Variants in AGL observed in about 807,000 individuals in gnomAD.
AGL encodes glycogen debranching enzyme.
AGL carries 128 observed loss-of-function variants against 199.3 expected under a neutral mutation model. The observed-to-expected ratio is 0.64, with a 90% CI of 0.56 to 0.74. The LOEUF (loss-of-function observed/expected upper bound fraction) is 0.74, where lower values mean the gene tolerates loss of function less well. Among genes scored for constraint, AGL ranks in the 30% least tolerant of loss-of-function variants. The pLI is 0.00. For missense variants in AGL, 1,809 were observed against 1,820.8 expected (o/e 0.99, Z 0.12); for synonymous variants, 584 against 594.7 (o/e 0.98, Z 0.26).
intron 13 of AGL, 152 bp downstream of exon 13, chr1:99,880,198 A>G: frequency 1.6e-6 from 2 of 1,261,136 alleles, no homozygotes; most frequent in East Asian, 2.5e-5. Flanking sequence ...AATATAACTC[A>G]GTCTATTTTT....
At chr1:99,884,547 A>G in intron 19 of AGL, 22 bp from the exon 20 acceptor site, 1 of 1,613,410 alleles carries the variant, frequency 6.2e-7, no homozygotes, top group Non-Finnish European at 8.5e-7. Flanking sequence ...AAAATTAACC[A>G]CTTTTTAATT....
chr1:99,875,148 C>T lies in AGL; in HGVS notation c.1083-6C>T, dbSNP rs761394139. On this transcript the variant is annotated splice_region_variant and splice_polypyrimidine_tract_variant and intron_variant, in intron 8 of 33. Coordinates refer to ENST00000361915, the MANE Select transcript of AGL (RefSeq NM_000642.3). ...TATTATATCTGCATTTCTCCATCTG[C>T]TCTAGCAAGGGGCCAGCAGCAATTG... The T allele has an allele frequency of 1.6e-5, 25 of 1,611,860 alleles. 1 individual carries two copies. The South Asian group carries it at 2.5e-4, about 16-fold the overall frequency.
At position 99,875,247 on chromosome 1, in the gene AGL, T is replaced by A. The variant is rs1183612225; in HGVS notation, c.1176T>A (p.His392Gln). The A allele has an allele frequency of 5.6e-6, 9 of 1,613,878 alleles. No homozygotes were observed. In the Admixed American group the frequency reaches 1.5e-4, roughly 27 times the overall value. Residue 392 changes from histidine to glutamine, a missense_variant, in exon 9 of 34, where the codon CAT becomes CAA. Coordinates refer to ENST00000361915, the MANE Select transcript of AGL (RefSeq NM_000642.3). ...NSEKHRLINYHQEQAVNCLLG... is the reference protein window; with the variant it reads ...NSEKHRLINYQQEQAVNCLLG... ...AGAAGCATCGACTCATTAACTATCA[T>A]CAGGAACAGGTTTTACTTATTTTTG...
chr1:99,896,281 G>A lies in AGL; in HGVS notation c.3260-5G>A, dbSNP rs746869422. The A allele has an allele frequency of 6.2e-7, 1 of 1,608,348 alleles. No individual in the cohort carries two copies. Among genetic ancestry groups the A allele is most frequent in the South Asian group, 1.1e-5 (1 of 90,932 alleles). On this transcript the variant is annotated splice_region_variant and splice_polypyrimidine_tract_variant and intron_variant, in intron 24 of 33. Coordinates refer to ENST00000361915, the MANE Select transcript of AGL (RefSeq NM_000642.3). ...CATATTACTTTGTTGTGTTTTTTTT[G>A]TTAGGCTTACCTCATTTTTCTTCTG...
intron 25 of AGL, among the ~76,000 whole-genome samples, chr1:99,897,125 A>AT (rs1458911800): frequency 2.0e-5 from 3 of 151,876 alleles, no homozygotes; most frequent in East Asian, 1.9e-4. Context: ...GTAAAATGGT[A>AT]TTTTTTTTAA....
At chr1:99,901,042 C>T (rs1264791571) in intron 26 of AGL, among the ~76,000 whole-genome samples, 181 bp downstream of exon 26, 1 of 151,926 alleles carries the variant, frequency 6.6e-6, no homozygotes, top group Non-Finnish European at 1.5e-5. Flanking sequence ...AAGAACTTTG[C>T]AACATGGTAG....
rs1654137838 is a variant in AGL at position 99,904,896 on chromosome 1, T to A, written c.3700+2102T>A. On this transcript the variant is annotated intron_variant, in intron 27 of 33. Coordinates refer to ENST00000361915, the MANE Select transcript of AGL (RefSeq NM_000642.3). ...CATCCATTGAAGGACATTTGGGTTG[T>A]TTTCATGTTTTGGCTAATACGAGTA... 4.6e-5 allele frequency among the ~76,000 whole-genome samples: 7 copies of A among 152,216 alleles called. No individual in the cohort carries two copies. In the South Asian group the frequency reaches 1.2e-3, roughly 27 times the overall value.
chr1:99,888,257 T>C, intron 21 of AGL, 149 bp downstream of exon 21: 2 of 923,328 alleles, frequency 2.2e-6, no homozygotes, highest in East Asian at 5.4e-5. Flanking sequence ...CTTTGGCAAG[T>C]AATATAACCT....
In AGL at chr1:99,921,672, T is replaced by C. The variant is rs772358669; in HGVS notation, c.*21T>C. 6.6e-7 allele frequency: 1 copy of C among 1,515,270 alleles called. No homozygotes were observed. The highest frequency in any genetic ancestry group is 9.2e-7 in the Non-Finnish European group (1 of 1,091,256). 93.9% of individuals were successfully genotyped at this position (1,515,270 alleles called of 1,614,324 possible). A position where few individuals can be genotyped will look rare whatever the true frequency, so the allele number is the denominator to read the frequency against. On this transcript the variant is annotated 3_prime_UTR_variant, in exon 34 of 34. Coordinates refer to ENST00000361915, the MANE Select transcript of AGL (RefSeq NM_000642.3). ...TATAGTTTATTACAGATATTAAGTATGCAATTACTTGTATTATAGGATGCA... is the reference window on the plus strand; with the variant it reads ...TATAGTTTATTACAGATATTAAGTACGCAATTACTTGTATTATAGGATGCA...
chr1:99,896,896 C>T (rs1026485385), intron 25 of AGL, among the ~76,000 whole-genome samples: 11 of 152,226 alleles, frequency 7.2e-5, no homozygotes, highest in South Asian at 2.1e-4. Context: ...CTGCAACCTC[C>T]GACTCCGCCT....
chr1:99,920,351 T>A (rs1313746612), intron 33 of AGL, among the ~76,000 whole-genome samples: 2 of 152,204 alleles, frequency 1.3e-5, no homozygotes, highest in African/African-American at 4.8e-5. Context: ...CTGTGGCTTG[T>A]GGCAGCAAAA....
intron 2 of AGL, among the ~76,000 whole-genome samples, chr1:99,854,332 G>A (rs566939306): frequency 6.6e-6 from 1 of 152,338 alleles, no homozygotes; most frequent in East Asian, 1.9e-4. Flanking sequence ...TTTGAAGAGG[G>A]AAATTGAAGG....
At chr1:99,902,132 A>G (rs544037077) in intron 26 of AGL, among the ~76,000 whole-genome samples, 1 of 152,266 alleles carries the variant, frequency 6.6e-6, no homozygotes, top group East Asian at 1.9e-4. Flanking sequence ...TCTTTACCTT[A>G]TTTTTAAAAA....
chr1:99,877,623 A>G lies in AGL; in HGVS notation c.1424-18A>G. The stretch of plus-strand genomic sequence containing the variant: ...TTTTATTTCTTGAACCATTGAAAGC[A>G]ATCTCTTTTCTGAACAGGTTCAGAA... On this transcript the variant is annotated intron_variant, in intron 11 of 33. Transcript: ENST00000361915. The G allele has an allele frequency of 1.2e-6, 2 of 1,612,574 alleles. No individual in the cohort carries two copies. Among genetic ancestry groups the G allele is most frequent in the Non-Finnish European group, 1.7e-6 (2 of 1,178,742 alleles).
Position 99,879,891 on chromosome 1 carries a change from A to G in AGL, c.1612-32A>G, listed in dbSNP as rs200552505. ...TTGCTTTTCTCTTTCTGTTACATTT[A>G]TTTGTTACATTTGTCACTGTGCTTT... On this transcript the variant is annotated intron_variant, in intron 12 of 33. Coordinates refer to ENST00000361915, the MANE Select transcript of AGL (RefSeq NM_000642.3). 6.8e-5 allele frequency: 106 copies of G among 1,556,354 alleles called. 1 individual carries two copies. The African/African-American group carries it at 1.1e-3, about 17-fold the overall frequency.
At chr1:99,863,611 G>A (rs576806948) in intron 4 of AGL, among the ~76,000 whole-genome samples, 10 of 151,834 alleles carry the variant, frequency 6.6e-5, no homozygotes, top group Non-Finnish European at 1.3e-4. Flanking sequence ...CTGCCACCAC[G>A]CCTGGCTAAT....
At chr1:99,909,357 G>A (rs1392339131) in intron 27 of AGL, among the ~76,000 whole-genome samples, 2 of 152,064 alleles carry the variant, frequency 1.3e-5, no homozygotes, top group South Asian at 2.1e-4. Context: ...CAGGTACCAC[G>A]CTGCTGAGGA....
intron 24 of AGL, 36 bp downstream of exon 24, chr1:99,892,643 CGAT>C (rs915852260): frequency 6.3e-7 from 1 of 1,591,740 alleles, no homozygotes; most frequent in Non-Finnish European, 8.6e-7. Flanking sequence ...ATATGTAAAT[CGAT>C]AGTATTCGCG....
In AGL at chr1:99,877,535, A is replaced by T. The variant is rs1570437907; in HGVS notation, c.1424-106A>T. ...TTAGATATAATTTAACCAATATATC[A>T]TTTATGGCAGAAATGATCAAAGCAA... On this transcript the variant is annotated intron_variant, in intron 11 of 33. Transcript: ENST00000361915. The T allele has an allele frequency of 6.0e-6, 6 of 1,002,518 alleles. No homozygotes were observed. The East Asian group carries it at 1.5e-4, about 26-fold the overall frequency. The allele number at this position is 1,002,518 out of a possible 1,614,324, so 62.1% of individuals were successfully genotyped here. A position where few individuals can be genotyped will look rare whatever the true frequency, so the allele number is the denominator to read the frequency against.
Sources: allele counts gnomAD v4.1 joint callset (sites outside exome capture counted in the v4.1 genomes callset), GRCh38; gene constraint gnomAD v4.1.1; transcripts MANE v1.5; gene names NCBI Gene and HGNC (gene_info 2026-07-23, HGNC 2026-07-21).